LSAMP: variants seen among roughly 807,000 people sequenced by gnomAD.
LSAMP encodes the protein limbic system-associated membrane protein.
In LSAMP, 7 loss-of-function variants were observed where a neutral mutation model predicts 38.6. That is an observed-to-expected ratio of 0.18 (90% CI 0.10 to 0.34). LSAMP has a LOEUF of 0.34. LSAMP is among the 10% of genes least tolerant of loss of function. The probability of loss-of-function intolerance (pLI) is 1.00; values close to 1 mark genes in which losing one functional copy is unlikely to be tolerated. For synonymous variants in LSAMP, 154 were observed against 166.8 expected (o/e 0.92, Z 0.59); for missense variants, 313 against 420.0 (o/e 0.75, Z 2.23).
At chr3:116,337,379 G>C (rs951305027) in intron 1 of LSAMP, among the ~76,000 whole-genome samples, 1 of 151,908 alleles carries the variant, frequency 6.6e-6, no homozygotes, top group Admixed American at 6.6e-5. Flanking sequence ...TTTGATATCT[G>C]TTCGAACCCT....
chr3:116,251,736 G>C (rs1382582672), intron 1 of LSAMP, among the ~76,000 whole-genome samples: 2 of 138,576 alleles, frequency 1.4e-5, no homozygotes, highest in Non-Finnish European at 3.1e-5. Flanking sequence ...TTCTATTAAA[G>C]ATTTCAATTT....
At chr3:116,315,194 A>G (rs1043989350) in intron 1 of LSAMP, among the ~76,000 whole-genome samples, 1 of 152,096 alleles carries the variant, frequency 6.6e-6, no homozygotes, top group African/African-American at 2.4e-5. Context: ...CCCAGTTTCT[A>G]TCTATCAGAT....
At chr3:116,380,340 A>T (rs2048542027) in intron 1 of LSAMP, among the ~76,000 whole-genome samples, 1 of 152,130 alleles carries the variant, frequency 6.6e-6, no homozygotes, top group Admixed American at 6.6e-5. Flanking sequence ...ATTAGCTGGC[A>T]TATAATTGAT....
chr3:115,955,015 C>T (rs1259188204), intron 3 of LSAMP, among the ~76,000 whole-genome samples: 1 of 150,806 alleles, frequency 6.6e-6, no homozygotes, highest in Non-Finnish European at 1.5e-5. Flanking sequence ...AGTGCAGTGG[C>T]GAGATCTCGG....
intron 1 of LSAMP, among the ~76,000 whole-genome samples, chr3:116,369,626 T>G (rs1167757193): frequency 1.3e-5 from 2 of 152,102 alleles, no homozygotes; most frequent in African/African-American, 4.8e-5. Flanking sequence ...TTAGAGGTGT[T>G]AGTGAAAATA....
chr3:115,815,772 T>C (rs868564929), intron 6 of LSAMP, among the ~76,000 whole-genome samples: 2 of 152,282 alleles, frequency 1.3e-5, no homozygotes, highest in Middle Eastern at 3.4e-3. Context: ...AAAGGGACAA[T>C]ATTTTATGCC....
rs80169471 is a variant in LSAMP, at chr3:116,151,124, T to C, written c.156-64568A>G. Among the ~76,000 whole-genome samples the C allele has an allele frequency of 6.4e-3, 974 of 152,118 alleles. 5 individuals carry two copies. The highest frequency in any genetic ancestry group is 0.022 in the African/African-American group (894 of 41,508). Reference sequence around the variant, plus strand: ...CCTATTATTTCAAAATCCTTTCTTATATTAAGCAAAGATAAACCCCTAGGA... The same window carrying C: ...CCTATTATTTCAAAATCCTTTCTTACATTAAGCAAAGATAAACCCCTAGGA... On this transcript the variant is annotated intron_variant, in intron 1 of 6. Coordinates refer to ENST00000490035, the MANE Select transcript of LSAMP (RefSeq NM_002338.5).
At chr3:116,084,264 G>A (rs922021325) in intron 2 of LSAMP, among the ~76,000 whole-genome samples, 1 of 151,950 alleles carries the variant, frequency 6.6e-6, no homozygotes, top group African/African-American at 2.4e-5. Context: ...GCACTGCCAT[G>A]TCAGGAAGGT....
chr3:116,133,089 C>T (rs534463183), intron 1 of LSAMP, among the ~76,000 whole-genome samples: 1 of 152,290 alleles, frequency 6.6e-6, no homozygotes, highest in South Asian at 2.1e-4. Flanking sequence ...TAACAGGAAG[C>T]TGCAGAAAAA....
At chr3:116,135,542 A>G (rs1191194340) in intron 1 of LSAMP, among the ~76,000 whole-genome samples, 1 of 152,138 alleles carries the variant, frequency 6.6e-6, no homozygotes, top group Non-Finnish European at 1.5e-5. Context: ...GACAGAAACC[A>G]CTAGACTAGG....
intron 1 of LSAMP, among the ~76,000 whole-genome samples, chr3:116,282,646 G>A (rs2047141617): frequency 6.6e-6 from 1 of 152,020 alleles, no homozygotes. Context: ...GACAACAACG[G>A]AGCAACCACA....
At chr3:116,227,767 GA>G (rs2046358620) in intron 1 of LSAMP, among the ~76,000 whole-genome samples, 1 of 152,056 alleles carries the variant, frequency 6.6e-6, no homozygotes, top group Admixed American at 6.5e-5. Flanking sequence ...ATAATAAACA[GA>G]AGAATGGAAA....
intron 6 of LSAMP, 96 bp downstream of exon 6, chr3:115,841,749 A>C: frequency 6.9e-7 from 1 of 1,440,214 alleles, no homozygotes; most frequent in South Asian, 1.4e-5. Flanking sequence ...TTTGTTTTTA[A>C]GTGAACTTTT....
At chr3:116,145,963 T>C (rs190768758) in intron 1 of LSAMP, among the ~76,000 whole-genome samples, 114 of 152,112 alleles carry the variant, frequency 7.5e-4, no homozygotes, top group Admixed American at 6.4e-3. Flanking sequence ...TTAGTATTTA[T>C]AATCTTTATT....
chr3:115,858,982 C>T (rs1164154952), intron 3 of LSAMP, among the ~76,000 whole-genome samples: 1 of 152,146 alleles, frequency 6.6e-6, no homozygotes, highest in Admixed American at 6.5e-5. Flanking sequence ...TCCCTGCTTT[C>T]CTGCACATCA....
intron 1 of LSAMP, among the ~76,000 whole-genome samples, chr3:116,286,327 C>T (rs568300204): frequency 6.6e-6 from 1 of 152,248 alleles, no homozygotes; most frequent in South Asian, 2.1e-4. Flanking sequence ...AACAACCTTG[C>T]CATGGATACA....
chr3:116,075,529 T>G (rs1371027247), intron 2 of LSAMP, among the ~76,000 whole-genome samples: 1 of 151,662 alleles, frequency 6.6e-6, no homozygotes, highest in Non-Finnish European at 1.5e-5. Flanking sequence ...TTATTTTGTT[T>G]TTAAATCACT....
intron 1 of LSAMP, among the ~76,000 whole-genome samples, chr3:116,333,214 C>G (rs1367620813): frequency 2.6e-5 from 4 of 151,970 alleles, no homozygotes; most frequent in African/African-American, 9.7e-5. Flanking sequence ...TAATGATTGA[C>G]CTACATTAGG....
intron 1 of LSAMP, among the ~76,000 whole-genome samples, chr3:116,086,982 T>C (rs934154935): frequency 2.0e-5 from 3 of 152,230 alleles, no homozygotes; most frequent in Non-Finnish European, 4.4e-5. Flanking sequence ...TATTGTGTAA[T>C]GATAGATTAA....
Sources: gnomAD v4.1 joint callset for allele counts (sites outside exome capture counted in the v4.1 genomes callset) on GRCh38, gnomAD v4.1.1 for gene constraint, MANE v1.5 for transcripts, NCBI Gene and HGNC (gene_info 2026-07-23, HGNC 2026-07-21) for gene names.